Variants in PIP5K1C observed in about 807,000 individuals in gnomAD.
The protein encoded by PIP5K1C is phosphatidylinositol-4-phosphate 5-kinase type 1 gamma.
A neutral mutation model predicts 80.1 loss-of-function variants in PIP5K1C; 45 were observed. The ratio of observed to expected loss-of-function variants is 0.56; its 90% CI spans 0.44 to 0.72. PIP5K1C has a LOEUF of 0.72. Among genes scored for constraint, PIP5K1C ranks in the 30% least tolerant of loss-of-function variants. The pLI, the probability that PIP5K1C is intolerant of heterozygous loss-of-function variation, is 0.00. For synonymous variants in PIP5K1C, 498 were observed against 420.1 expected (o/e 1.19, Z -2.27); for missense variants, 753 against 954.6 (o/e 0.79, Z 2.78).
chr19:3,646,103 A>T, intron 10 of PIP5K1C, 45 bp from the exon 11 acceptor site: 1 of 1,228,874 alleles, frequency 8.1e-7, no homozygotes, highest in Non-Finnish European at 1.2e-6. Flanking sequence ...AGGGTGCATC[A>T]ATCAACAGCT....
intron 8 of PIP5K1C, among the ~76,000 whole-genome samples, 170 bp downstream of exon 8, chr19:3,651,656 G>A (rs888019096): frequency 5.9e-5 from 9 of 152,230 alleles, no homozygotes; most frequent in Non-Finnish European, 1.0e-4. Context: ...CCCGCACTAC[G>A]GCCTGGCTTC....
At position 3,665,449 on chromosome 19, in the gene PIP5K1C, G is replaced by A. The variant is rs1289897479; in HGVS notation, c.127-535C>T. The stretch of plus-strand genomic sequence containing the variant: ...TGCAAATCACATCTCAGTAAAGTGG[G>A]TATTTTTTAAAAAAACAGGACTGAG... On this transcript the variant is annotated intron_variant, in intron 2 of 17. Transcript: ENST00000335312. 5.3e-5 allele frequency among the ~76,000 whole-genome samples: 8 copies of A among 150,322 alleles called. No homozygotes were observed. The South Asian group carries it at 1.5e-3, about 28-fold the overall frequency.
chr19:3,650,713 TG>T (rs2034407741), intron 8 of PIP5K1C, among the ~76,000 whole-genome samples: 1 of 152,246 alleles, frequency 6.6e-6, no homozygotes, highest in Admixed American at 6.5e-5. Context: ...GCCACTGAGA[TG>T]TGGCCTCCTC....
At chr19:3,666,774 G>A (rs751661044) in intron 2 of PIP5K1C, among the ~76,000 whole-genome samples, 1 of 150,628 alleles carries the variant, frequency 6.6e-6, no homozygotes, top group African/African-American at 2.4e-5. Flanking sequence ...CACGCACGCA[G>A]GCAAACATGC....
At chr19:3,687,993 G>C (rs976982680) in intron 1 of PIP5K1C, among the ~76,000 whole-genome samples, 1 of 152,222 alleles carries the variant, frequency 6.6e-6, no homozygotes, top group Non-Finnish European at 1.5e-5. Flanking sequence ...CGGGCGGGCC[G>C]GGGCAGGAGG....
At chr19:3,635,626 T>C (rs2033651381) in intron 16 of PIP5K1C, among the ~76,000 whole-genome samples, 1 of 149,986 alleles carries the variant, frequency 6.7e-6, no homozygotes, top group African/African-American at 2.5e-5. Context: ...GAGGTTGCAG[T>C]GAGCTGAAAT....
At chr19:3,635,623 C>T (rs1310733950) in intron 16 of PIP5K1C, among the ~76,000 whole-genome samples, 1 of 151,134 alleles carries the variant, frequency 6.6e-6, no homozygotes, top group Non-Finnish European at 1.5e-5. Flanking sequence ...CCAGAGGTTG[C>T]AGTGAGCTGA....
chr19:3,662,758 G>A (rs1249315267), intron 3 of PIP5K1C, among the ~76,000 whole-genome samples: 1 of 152,108 alleles, frequency 6.6e-6, no homozygotes, highest in Non-Finnish European at 1.5e-5. Flanking sequence ...TAGAGACGGG[G>A]TTTCACCATG....
At chr19:3,655,144 C>T (rs981961521) in intron 6 of PIP5K1C, among the ~76,000 whole-genome samples, 1 of 130,052 alleles carries the variant, frequency 7.7e-6, no homozygotes, top group Non-Finnish European at 1.6e-5. Context: ...AGAGGCCAGG[C>T]GCGGTGGCTC....
intron 1 of PIP5K1C, among the ~76,000 whole-genome samples, chr19:3,694,084 C>T (rs1015586073): frequency 2.0e-5 from 3 of 151,760 alleles, no homozygotes; most frequent in South Asian, 2.1e-4. Flanking sequence ...TAGTGGCGGA[C>T]GCCTGTAGTC....
chr19:3,650,248 C>T (rs1361989340), intron 8 of PIP5K1C, among the ~76,000 whole-genome samples: 1 of 152,246 alleles, frequency 6.6e-6, no homozygotes, highest in Non-Finnish European at 1.5e-5. Context: ...ACCTTCGTGG[C>T]TGCACTGGGG....
chr19:3,687,590 TAC>T (rs912897765), intron 1 of PIP5K1C, among the ~76,000 whole-genome samples: 2 of 148,570 alleles, frequency 1.3e-5, no homozygotes, highest in African/African-American at 2.5e-5. Context: ...CACATGCAGA[TAC>T]ACACATGCAT....
intron 3 of PIP5K1C, among the ~76,000 whole-genome samples, chr19:3,663,209 A>G (rs2034895645): frequency 7.0e-6 from 1 of 142,352 alleles, no homozygotes; most frequent in Non-Finnish European, 1.5e-5. Flanking sequence ...CATTATTCTC[A>G]CTGTGTGCTC....
intron 1 of PIP5K1C, among the ~76,000 whole-genome samples, chr19:3,668,912 A>G (rs868864017): frequency 1.1e-4 from 17 of 152,318 alleles, no homozygotes; most frequent in African/African-American, 3.1e-4. Context: ...CGCTGCACGG[A>G]TAACAGCAGC....
intron 2 of PIP5K1C, among the ~76,000 whole-genome samples, chr19:3,665,949 C>A (rs574636784): frequency 6.6e-6 from 1 of 152,148 alleles, no homozygotes; most frequent in Non-Finnish European, 1.5e-5. Flanking sequence ...ACGCCTGCAG[C>A]CCTGACCCCT....
intron 1 of PIP5K1C, among the ~76,000 whole-genome samples, chr19:3,668,818 C>T (rs2035106122): frequency 6.6e-6 from 1 of 152,130 alleles, no homozygotes; most frequent in Non-Finnish European, 1.5e-5. Flanking sequence ...AGCTCAGTGC[C>T]GAACAAGGAT....
chr19:3,637,207 G>A lies in PIP5K1C; in HGVS notation c.1920+1677C>T, dbSNP rs1439163572. On this transcript the variant is annotated intron_variant, in intron 16 of 17. Transcript: ENST00000335312. The surrounding 1 kb of genome is among the most constrained non-coding windows in gnomAD (Gnocchi z 7.0). ...CCACCCAAGACACCCTGACACGAGA[G>A]GGCTGGGTCCAGGGGCAGAGAGGGG... is the stretch of plus-strand genomic sequence containing the variant. 6 of 1,434,572 alleles carry A rather than the reference G, an allele frequency of 4.2e-6. No homozygotes were observed. Among genetic ancestry groups the A allele is most frequent in the Non-Finnish European group, 5.5e-6 (6 of 1,099,258 alleles). The allele number at this position is 1,434,572 out of a possible 1,614,324, so 88.9% of individuals were successfully genotyped here. A position where few individuals can be genotyped will look rare whatever the true frequency, so the allele number is the denominator to read the frequency against.
Position 3,641,680 on chromosome 19 carries a change from G to A in PIP5K1C, c.1787+25C>T, listed in dbSNP as rs763122017. On this transcript the variant is annotated intron_variant, in intron 15 of 17. Transcript: ENST00000335312. ...TGGGCCCGCAGCAGGTGGGCGCCCC[G>A]ACCTCCCGCCGAGGCCGTGCTCACC... 1.9e-5 allele frequency: 30 copies of A among 1,584,620 alleles called. No individual in the cohort carries two copies. In the Admixed American group the frequency reaches 3.2e-4, roughly 17 times the overall value.
intron 1 of PIP5K1C, among the ~76,000 whole-genome samples, chr19:3,694,425 T>C (rs1028625925): frequency 1.9e-4 from 29 of 152,200 alleles, no homozygotes; most frequent in Admixed American, 5.2e-4. Flanking sequence ...AGTCCTGCTC[T>C]GTCCTCAGTC....
Sources: allele counts gnomAD v4.1 joint callset (sites outside exome capture counted in the v4.1 genomes callset), GRCh38; gene constraint gnomAD v4.1.1; non-coding constraint Gnocchi (gnomAD v3.1); transcripts MANE v1.5; gene names NCBI Gene and HGNC (gene_info 2026-07-23, HGNC 2026-07-21).